The following ADAMTS6 variants were observed in gnomAD, a reference collection of about 807,000 sequenced individuals.
ADAMTS6 encodes the protein ADAM metallopeptidase with thrombospondin type 1 motif 6, also known as A disintegrin and metalloproteinase with thrombospondin motifs 6.
In ADAMTS6, 23 loss-of-function variants were observed where a neutral mutation model predicts 144.3. That is an observed-to-expected ratio of 0.16 (90% CI 0.11 to 0.23). ADAMTS6 has a LOEUF of 0.23. Among genes scored for constraint, ADAMTS6 ranks in the 10% least tolerant of loss-of-function variants. The pLI is 1.00. For synonymous variants in ADAMTS6, 444 were observed against 457.5 expected (o/e 0.97, Z 0.38); for missense variants, 999 against 1,379.6 (o/e 0.72, Z 4.37).
chr5:65,411,259 C>A (rs1376527502), intron 7 of ADAMTS6, among the ~76,000 whole-genome samples: 1 of 152,096 alleles, frequency 6.6e-6, no homozygotes, highest in Non-Finnish European at 1.5e-5. Context: ...TGGGAGTGCA[C>A]GTATCTCTTC....
intron 14 of ADAMTS6, among the ~76,000 whole-genome samples, chr5:65,258,101 C>G (rs1285541433): frequency 6.6e-6 from 1 of 151,932 alleles, no homozygotes; most frequent in South Asian, 2.1e-4. Flanking sequence ...TATGACAAAT[C>G]AACTATATAG....
intron 24 of ADAMTS6, among the ~76,000 whole-genome samples, chr5:65,154,109 G>A (rs772948113): frequency 1.7e-4 from 26 of 152,198 alleles, no homozygotes; most frequent in Non-Finnish European, 3.4e-4. Flanking sequence ...TCAGGAGGCT[G>A]AGACACAAGA....
At chr5:65,216,782 T>TAC (rs10584577) in intron 18 of ADAMTS6, among the ~76,000 whole-genome samples, 13,955 of 148,576 alleles carry the variant, frequency 0.094, 739 homozygotes, top group Middle Eastern at 0.17. Context: ...TTACAAGAAA[T>TAC]ACACACACAC....
At chr5:65,375,096 T>A (rs1676921491) in intron 7 of ADAMTS6, among the ~76,000 whole-genome samples, 1 of 152,184 alleles carries the variant, frequency 6.6e-6, no homozygotes, top group Admixed American at 6.5e-5. Flanking sequence ...TTACACCTTA[T>A]TCAAAAATCA....
At chr5:65,459,311 C>T (rs1759472366) in intron 4 of ADAMTS6, among the ~76,000 whole-genome samples, 1 of 152,134 alleles carries the variant, frequency 6.6e-6, no homozygotes, top group South Asian at 2.1e-4. Context: ...TTATGTTATT[C>T]TTCCTGTTTA....
intron 7 of ADAMTS6, among the ~76,000 whole-genome samples, chr5:65,417,355 C>T (rs1755624595): frequency 1.3e-5 from 2 of 152,144 alleles, no homozygotes; most frequent in Admixed American, 1.3e-4. Context: ...TCCTATTCAA[C>T]ATAGTATTGG....
chr5:65,322,225 A>G (rs148842735), intron 9 of ADAMTS6, among the ~76,000 whole-genome samples: 2 of 152,080 alleles, frequency 1.3e-5, no homozygotes, highest in African/African-American at 4.8e-5. Context: ...CCATTGGTCT[A>G]TGTGTCTGTT....
At chr5:65,237,066 A>G (rs1758726535) in intron 15 of ADAMTS6, among the ~76,000 whole-genome samples, 2 of 152,060 alleles carry the variant, frequency 1.3e-5, no homozygotes, top group Admixed American at 1.3e-4. Flanking sequence ...GACCACATGG[A>G]TATAACATAA....
intron 7 of ADAMTS6, among the ~76,000 whole-genome samples, chr5:65,425,478 C>T (rs1386905209): frequency 6.6e-6 from 1 of 152,198 alleles, no homozygotes; most frequent in African/African-American, 2.4e-5. Flanking sequence ...TCATTCTCAT[C>T]CTACAAGTTG....
At chr5:65,332,310 TATAG>T (rs1241704288) in intron 8 of ADAMTS6, among the ~76,000 whole-genome samples, 9,978 of 112,820 alleles carry the variant, frequency 0.088, 366 homozygotes, top group Non-Finnish European at 0.12. Flanking sequence ...TATATATATA[TATAG>T]AGAGAGAGAG....
chr5:65,276,280 A>G (rs1426675683), intron 11 of ADAMTS6, among the ~76,000 whole-genome samples: 1 of 152,134 alleles, frequency 6.6e-6, no homozygotes, highest in East Asian at 1.9e-4. Context: ...TGGGGATTCA[A>G]ATTTTGTTAC....
intron 7 of ADAMTS6, among the ~76,000 whole-genome samples, chr5:65,364,330 A>C (rs1750096534): frequency 6.6e-6 from 1 of 152,212 alleles, no homozygotes; most frequent in South Asian, 2.1e-4. Context: ...AGAGTTAGCC[A>C]GAATAAAAGA....
intron 24 of ADAMTS6, among the ~76,000 whole-genome samples, chr5:65,164,510 G>C (rs1261894280): frequency 3.3e-4 from 42 of 129,094 alleles, no homozygotes; most frequent in Admixed American, 7.0e-4. Flanking sequence ...CGGGAAGCTC[G>C]AACTGGGTGG....
At chr5:65,477,238 T>G (rs1275798769) in intron 1 of ADAMTS6, among the ~76,000 whole-genome samples, 1 of 152,226 alleles carries the variant, frequency 6.6e-6, no homozygotes, top group Non-Finnish European at 1.5e-5. Context: ...TGGAGTGTTT[T>G]GAGTAATAAC....
intron 3 of ADAMTS6, among the ~76,000 whole-genome samples, chr5:65,462,258 G>A (rs1759685490): frequency 6.6e-6 from 1 of 152,174 alleles, no homozygotes; most frequent in Non-Finnish European, 1.5e-5. Flanking sequence ...AGAGGGATAT[G>A]TAGGAAGCAA....
At position 65,214,509 on chromosome 5, in the gene ADAMTS6, G is replaced by T; in HGVS notation, c.2575+285C>A. ...TGTTCTTTACCAAGAATGTGTTCAC[G>T]AAAGGCAAACAGCCCACCTTCAAGA... is the stretch of plus-strand genomic sequence containing the variant. On this transcript the variant is annotated intron_variant, in intron 20 of 24. Coordinates refer to ENST00000381055, the MANE Select transcript of ADAMTS6 (RefSeq NM_197941.4). The surrounding 1 kb of genome is among the most constrained non-coding windows in gnomAD (Gnocchi z 4.6). 1 of 470,104 alleles carries T rather than the reference G, an allele frequency of 2.1e-6. No individual in the cohort carries two copies. Among genetic ancestry groups the T allele is most frequent in the African/African-American group, 2.0e-5 (1 of 50,978 alleles). 29.1% of individuals were successfully genotyped at this position (470,104 alleles called of 1,614,324 possible).
chr5:65,256,782 G>C (rs1463965493), intron 14 of ADAMTS6, among the ~76,000 whole-genome samples: 1 of 151,976 alleles, frequency 6.6e-6, no homozygotes, highest in Non-Finnish European at 1.5e-5. Context: ...GGAATGAGTT[G>C]GGAATTGAGA....
chr5:65,320,738 C>A (rs1745535139), intron 9 of ADAMTS6, among the ~76,000 whole-genome samples: 1 of 151,992 alleles, frequency 6.6e-6, no homozygotes, highest in Non-Finnish European at 1.5e-5. Context: ...GTCTGTTTTC[C>A]CCCTTTATGT....
intron 22 of ADAMTS6, among the ~76,000 whole-genome samples, chr5:65,179,945 T>G (rs1035136957): frequency 4.1e-5 from 4 of 96,580 alleles, no homozygotes; most frequent in African/African-American, 2.0e-4. Flanking sequence ...AACACACACA[T>G]GTGCACGCAC....
Sources: allele counts gnomAD v4.1 joint callset (sites outside exome capture counted in the v4.1 genomes callset), GRCh38; gene constraint gnomAD v4.1.1; non-coding constraint Gnocchi (gnomAD v3.1); transcripts MANE v1.5; gene names NCBI Gene and HGNC (gene_info 2026-07-23, HGNC 2026-07-21).